Variants in C19orf47 observed in about 807,000 individuals in gnomAD.
C19orf47 encodes the protein uncharacterized protein C19orf47.
In C19orf47, 18 loss-of-function variants were observed where a neutral mutation model predicts 32.3. That is an observed-to-expected ratio of 0.56 (90% CI 0.39 to 0.83). C19orf47 has a LOEUF of 0.83. C19orf47 is among the 40% of genes least tolerant of loss of function. The pLI is 0.00. For synonymous variants in C19orf47, 202 were observed against 211.1 expected (o/e 0.96, Z 0.37); for missense variants, 484 against 531.6 (o/e 0.91, Z 0.88).
the C19orf47 span, among the ~76,000 whole-genome samples, chr19:40,312,544 CA>C: frequency 9.8e-4 from 134 of 136,258 alleles, no homozygotes; most frequent in Admixed American, 1.2e-3. Context: ...GACTCCATCT[CA>C]AAAAAAAAAA....
At chr19:40,331,533 G>A (rs976235820) in intron 5 of C19orf47, among the ~76,000 whole-genome samples, 3 of 152,132 alleles carry the variant, frequency 2.0e-5, no homozygotes, top group African/African-American at 7.2e-5. Context: ...AGCTATTCAG[G>A]AGGCTGAGGC....
In C19orf47 at chr19:40,321,071, T is replaced by A. The variant is rs2077708981; in HGVS notation, c.*811A>T. 1 of 228,218 alleles carries A rather than the reference T, an allele frequency of 4.4e-6. No homozygotes were observed. Among genetic ancestry groups the A allele is most frequent in the Non-Finnish European group, 7.3e-6 (1 of 136,536 alleles). 14.1% of individuals were successfully genotyped at this position (228,218 alleles called of 1,614,324 possible). A position where few individuals can be genotyped will look rare whatever the true frequency, so the allele number is the denominator to read the frequency against. ...AGGAGTGGGGGAAATGATTTGAAAG[T>A]CACAAAAATATATTAAAACAGCAGC... On this transcript the variant is annotated 3_prime_UTR_variant, in exon 9 of 9. Transcript: ENST00000683109.
the C19orf47 span, among the ~76,000 whole-genome samples, chr19:40,307,338 A>C: frequency 2.0e-5 from 3 of 149,222 alleles, no homozygotes; most frequent in African/African-American, 7.4e-5. Context: ...GAAGTGATCC[A>C]CCCACCTCTG....
chr19:40,336,540 A>T (rs2078069915), intron 2 of C19orf47, 133 bp from the exon 3 acceptor site: 2 of 757,110 alleles, frequency 2.6e-6, no homozygotes, highest in East Asian at 5.4e-5. Context: ...TGCTCCACAC[A>T]CACATGATGG....
At chr19:40,317,865 G>A (rs552859833), downstream of C19orf47, among the ~76,000 whole-genome samples, 5 of 152,070 alleles carry the variant, frequency 3.3e-5, no homozygotes, top group African/African-American at 1.2e-4. Context: ...GATTACAGGC[G>A]TGCACCAACA....
chr19:40,299,253 C>G, the C19orf47 span, among the ~76,000 whole-genome samples: 1 of 151,318 alleles, frequency 6.6e-6, no homozygotes, highest in Non-Finnish European at 1.5e-5. Context: ...TAATAATTAC[C>G]CTGGTGATTA....
the C19orf47 span, among the ~76,000 whole-genome samples, chr19:40,304,514 T>C: frequency 7.2e-5 from 11 of 152,158 alleles, no homozygotes; most frequent in African/African-American, 2.4e-4. Flanking sequence ...ACTAAGAGAC[T>C]TATAATCTGC....
chr19:40,348,297 T>G, intron 1 of C19orf47, 27 bp downstream of exon 1: 1 of 1,318,086 alleles, frequency 7.6e-7, no homozygotes, highest in East Asian at 3.2e-5. Context: ...ACCGGCCCAG[T>G]CCCACCACCC....
chr19:40,310,964 G>A, the C19orf47 span, among the ~76,000 whole-genome samples: 3 of 152,208 alleles, frequency 2.0e-5, no homozygotes, highest in Non-Finnish European at 4.4e-5. Flanking sequence ...TACACCAGGC[G>A]CAGTGGCTCA....
the C19orf47 span, among the ~76,000 whole-genome samples, chr19:40,314,441 A>G: frequency 6.6e-6 from 1 of 152,092 alleles, no homozygotes; most frequent in East Asian, 1.9e-4. Flanking sequence ...AACAAAAACA[A>G]TGGGAGTATA....
rs1166208602 is a variant in C19orf47, at chr19:40,321,293, G to A, written c.*589C>T. ...GGCTCGACGCCACCGCCGACGAGGGGGCCGCTGGGAGGCCGGAGGTACAGG... is the reference window on the plus strand; with the variant it reads ...GGCTCGACGCCACCGCCGACGAGGGAGCCGCTGGGAGGCCGGAGGTACAGG... On this transcript the variant is annotated 3_prime_UTR_variant, in exon 9 of 9. Transcript: ENST00000683109. 4 of 986,470 alleles carry A rather than the reference G, an allele frequency of 4.1e-6. No individual in the cohort carries two copies. Among genetic ancestry groups the A allele is most frequent in the Admixed American group, 6.1e-5 (1 of 16,288 alleles). 61.1% of individuals were successfully genotyped at this position (986,470 alleles called of 1,614,324 possible). A position where few individuals can be genotyped will look rare whatever the true frequency, so the allele number is the denominator to read the frequency against.
chr19:40,336,242 T>C lies in C19orf47; in HGVS notation c.108-18A>G, dbSNP rs775517204. ...TCTGAATCCTGCAGGGAAAGGTCAG[T>C]GGTGAGGCCCCAGGTGGGCCAGAGT... On this transcript the variant is annotated intron_variant, in intron 3 of 8. Transcript: ENST00000683109. 7.4e-6 allele frequency: 12 copies of C among 1,614,080 alleles called. No individual in the cohort carries two copies. In the South Asian group the frequency reaches 8.8e-5, roughly 12 times the overall value.
Position 40,322,242 on chromosome 19 carries a change from G to A in C19orf47, c.798C>T (p.Ala266=), listed in dbSNP as rs143514176. 1.4e-4 allele frequency: 222 copies of A among 1,609,080 alleles called. No homozygotes were observed. Among genetic ancestry groups the A allele is most frequent in the Non-Finnish European group, 1.8e-4 (215 of 1,180,002 alleles). ...TCAGTGCTGGCTGGGGACTGGCCTTGGCTGGGCCCCGTCCTAGCTTCTTCA... is the reference window on the plus strand; with the variant it reads ...TCAGTGCTGGCTGGGGACTGGCCTTAGCTGGGCCCCGTCCTAGCTTCTTCA... ...GVLKKLGRGP[A]KASPQPALTV... Residue 266 remains alanine (A), a synonymous_variant, in exon 9 of 9, where the codon GCC becomes GCT. Transcript: ENST00000683109.
chr19:40,341,374 A>G (rs537771329), intron 2 of C19orf47, among the ~76,000 whole-genome samples: 113 of 151,948 alleles, frequency 7.4e-4, no homozygotes, highest in Non-Finnish European at 1.3e-3. Flanking sequence ...ATACTTTTCT[A>G]TATTATAATA....
chr19:40,314,669 TCCC>T (rs2077650619), downstream of C19orf47, among the ~76,000 whole-genome samples: 1 of 152,098 alleles, frequency 6.6e-6, no homozygotes, highest in Non-Finnish European at 1.5e-5. Flanking sequence ...TTTATGTAAA[TCCC>T]TTGCCCCCAA....
chr19:40,301,076 T>C, the C19orf47 span, among the ~76,000 whole-genome samples: 1 of 151,960 alleles, frequency 6.6e-6, no homozygotes, highest in African/African-American at 2.4e-5. Flanking sequence ...GGCACGAGAA[T>C]CGCTTGAGCC....
chr19:40,301,105 C>T, the C19orf47 span, among the ~76,000 whole-genome samples: 1 of 151,902 alleles, frequency 6.6e-6, no homozygotes, highest in Admixed American at 6.6e-5. Context: ...GGAGGTTACA[C>T]TGAACCGAGG....
At chr19:40,315,297 C>T (rs886741998), downstream of C19orf47, among the ~76,000 whole-genome samples, 2 of 152,138 alleles carry the variant, frequency 1.3e-5, no homozygotes. Flanking sequence ...AGTAACTGAG[C>T]GTGGGGTATA....
chr19:40,336,014 G>T, intron 4 of C19orf47, 96 bp downstream of exon 4: 3 of 1,085,536 alleles, frequency 2.8e-6, no homozygotes, highest in Non-Finnish European at 2.7e-6. Flanking sequence ...AACCTGGGTC[G>T]GCCTGCCTCT....
Sources: gnomAD v4.1 joint callset for allele counts (sites outside exome capture counted in the v4.1 genomes callset) on GRCh38, gnomAD v4.1.1 for gene constraint, MANE v1.5 for transcripts, NCBI Gene and HGNC (gene_info 2026-07-23, HGNC 2026-07-21) for gene names.